The following ZNF430 variants were observed in gnomAD, a reference collection of about 807,000 sequenced individuals.
The protein encoded by ZNF430 is zinc finger protein 430.
A neutral mutation model predicts 56.7 loss-of-function variants in ZNF430; 35 were observed. The ratio of observed to expected loss-of-function variants is 0.62; its 90% CI spans 0.47 to 0.82. ZNF430 has a LOEUF of 0.82. ZNF430 is among the 40% of genes least tolerant of loss of function. ZNF430 has a pLI of 0.00. For synonymous variants in ZNF430, 212 were observed against 224.3 expected, an observed-to-expected ratio of 0.94 and a Z score of 0.49; for missense variants, 574 against 661.0, an observed-to-expected ratio of 0.87 and a Z score of 1.44.
At chr19:21,052,076 G>A (rs911922720) in intron 4 of ZNF430, among the ~76,000 whole-genome samples, 1 of 152,088 alleles carries the variant, frequency 6.6e-6, no homozygotes, top group African/African-American at 2.4e-5. Flanking sequence ...CTTTGAACAG[G>A]AGCATGCTGG....
rs1214001642 is a variant in ZNF430 at position 21,046,408 on chromosome 19, C to G, written c.323-10223C>G. On this transcript the variant is annotated intron_variant, in intron 4 of 4. Coordinates refer to ENST00000261560, the MANE Select transcript of ZNF430 (RefSeq NM_025189.4). Reference sequence around the variant, plus strand: ...GTGCTATCTGGTTATTTTGAAGACTCTTTGATGTAGTTTTTTCATAGTGTC... The same window carrying G: ...GTGCTATCTGGTTATTTTGAAGACTGTTTGATGTAGTTTTTTCATAGTGTC... 3.3e-5 allele frequency among the ~76,000 whole-genome samples: 5 copies of G among 151,320 alleles called. No individual in the cohort carries two copies. In the South Asian group the frequency reaches 6.3e-4, roughly 19 times the overall value.
intron 4 of ZNF430, chr19:21,049,705 A>G (rs1568591361): frequency 6.6e-6 from 1 of 152,154 alleles, no homozygotes; most frequent in African/African-American, 2.4e-5. Flanking sequence ...TTCTTGTTAC[A>G]TTTCGTGTAA....
At position 21,038,336 on chromosome 19, in the gene ZNF430, A is replaced by AG. The variant is rs553202319; in HGVS notation, c.322+4154dup. Among the ~76,000 whole-genome samples, 43 of 152,210 alleles carry AG rather than the reference A, an allele frequency of 2.8e-4. 1 individual carries two copies. Among genetic ancestry groups the AG allele is most frequent in the African/African-American group, 9.1e-4 (38 of 41,558 alleles). ...TGTAGATCATTTGATTATATATAAA[A>AG]GGTTTCATTTCTGGGCTCCATATTT... On this transcript the variant is annotated intron_variant, in intron 4 of 4. Coordinates refer to ENST00000261560, the MANE Select transcript of ZNF430 (RefSeq NM_025189.4).
rs1371208579 is a variant in ZNF430, at chr19:21,059,734, A to G, written c.*1713A>G. Reference sequence around the variant, plus strand: ...ATATTTCCTACTGTTTCTTTATTCCAGTTGTATTCACATGTGAAAGCATGT... The same window carrying G: ...ATATTTCCTACTGTTTCTTTATTCCGGTTGTATTCACATGTGAAAGCATGT... On this transcript the variant is annotated 3_prime_UTR_variant, in exon 5 of 5. Coordinates refer to ENST00000261560, the MANE Select transcript of ZNF430 (RefSeq NM_025189.4). 1 of 152,074 alleles carries G rather than the reference A, an allele frequency of 6.6e-6. No homozygotes were observed. The highest frequency in any genetic ancestry group is 1.9e-4 in the East Asian group (1 of 5,192). The allele number at this position is 152,074 out of a possible 1,614,324, so 9.4% of individuals were successfully genotyped here.
intron 4 of ZNF430, chr19:21,035,248 A>C (rs1967975498): frequency 6.6e-6 from 1 of 152,162 alleles, no homozygotes; most frequent in Non-Finnish European, 1.5e-5. Context: ...TATTAATAAC[A>C]TATCTTTCGT....
At chr19:21,054,131 C>T (rs1162171514) in intron 4 of ZNF430, among the ~76,000 whole-genome samples, 1 of 152,096 alleles carries the variant, frequency 6.6e-6, no homozygotes, top group East Asian at 1.9e-4. Flanking sequence ...GATTTCTATG[C>T]TTTTAACTTT....
At position 21,034,183 on chromosome 19, in the gene ZNF430, A is replaced by G; in HGVS notation, c.321A>G (p.Pro107=). The G allele has an allele frequency of 6.3e-7, 1 of 1,590,818 alleles. No individual in the cohort carries two copies. The highest frequency in any genetic ancestry group is 2.3e-5 in the East Asian group (1 of 44,378). The change falls in exon 4 of 5, where the codon CCA becomes CCG. Residue 107 remains proline, a splice_region_variant and synonymous_variant. Coordinates refer to ENST00000261560, the MANE Select transcript of ZNF430 (RefSeq NM_025189.4). Reference sequence around the variant, plus strand: ...GACATGCGATGGTAGATCAACCCCCAGGTAGGTGAGAGTGAACACAACAGA... The same window carrying G: ...GACATGCGATGGTAGATCAACCCCCGGGTAGGTGAGAGTGAACACAACAGA... The part of the protein sequence containing the change: ...MKRHAMVDQP[P]VTYSHFAQDL...
At chr19:21,034,329 G>A (rs985960225) in intron 4 of ZNF430, 145 bp downstream of exon 4, 9 of 589,236 alleles carry the variant, frequency 1.5e-5, no homozygotes, top group African/African-American at 3.8e-5. Flanking sequence ...TTTTGCCCTC[G>A]CATAGGGTCA....
intron 2 of ZNF430, among the ~76,000 whole-genome samples, chr19:21,025,270 A>G (rs1288292884): frequency 6.6e-6 from 1 of 152,202 alleles, no homozygotes; most frequent in African/African-American, 2.4e-5. Context: ...GACAATATAA[A>G]GTCATTTTCT....
intron 2 of ZNF430, among the ~76,000 whole-genome samples, chr19:21,030,069 A>G (rs1644573046): frequency 6.9e-6 from 1 of 145,570 alleles, no homozygotes; most frequent in Non-Finnish European, 1.5e-5. Flanking sequence ...GAAATAAACT[A>G]TTTATTTTAG....
intron 4 of ZNF430, among the ~76,000 whole-genome samples, chr19:21,048,164 C>CTTTTTTTTTTTTTTTTTT (rs536496163): frequency 1.7e-5 from 1 of 59,780 alleles, no homozygotes; most frequent in Non-Finnish European, 2.9e-5. Context: ...CATAAAACAT[C>CTTTTTTTTTTTTTTTTTT]TTTTTTTTTT....
chr19:21,049,199 T>TAAAAAAAAAAAAAAAAAAAAAAAAA (rs1316391557), intron 4 of ZNF430, among the ~76,000 whole-genome samples: 1 of 118,350 alleles, frequency 8.4e-6, no homozygotes, highest in Non-Finnish European at 1.9e-5. Context: ...AAAAAAAAAG[T>TAAAAAAAAAAAAAAAAAAAAAAAAA]AAAAAAGATA....
At chr19:21,055,263 A>G (rs1255883279) in intron 4 of ZNF430, among the ~76,000 whole-genome samples, 2 of 152,050 alleles carry the variant, frequency 1.3e-5, no homozygotes, top group African/African-American at 4.8e-5. Flanking sequence ...TTGTACATTT[A>G]AAAAAGCTAC....
At chr19:21,040,878 TC>T (rs543666341) in intron 4 of ZNF430, among the ~76,000 whole-genome samples, 300 of 152,280 alleles carry the variant, frequency 2.0e-3, no homozygotes, top group Admixed American at 3.1e-3. Context: ...AGTTATAGAT[TC>T]TTGACCCATT....
chr19:21,042,550 G>T (rs914572443), intron 4 of ZNF430, among the ~76,000 whole-genome samples: 1 of 152,146 alleles, frequency 6.6e-6, no homozygotes, highest in African/African-American at 2.4e-5. Context: ...CACTTTGGGG[G>T]TGCCGAGGCA....
At chr19:21,047,308 T>TACCC (rs1193594934) in intron 4 of ZNF430, among the ~76,000 whole-genome samples, 3 of 152,230 alleles carry the variant, frequency 2.0e-5, no homozygotes, top group Admixed American at 6.5e-5. Flanking sequence ...AGTTCATCAT[T>TACCC]ACCCACCTTC....
At chr19:21,033,184 G>A (rs1016947846) in intron 2 of ZNF430, among the ~76,000 whole-genome samples, 2 of 151,862 alleles carry the variant, frequency 1.3e-5, no homozygotes, top group African/African-American at 4.8e-5. Flanking sequence ...GAGAAACCCC[G>A]TCTCTACTAA....
chr19:21,029,945 C>T (rs571314055), intron 2 of ZNF430, among the ~76,000 whole-genome samples: 58 of 150,348 alleles, frequency 3.9e-4, no homozygotes, highest in Non-Finnish European at 6.4e-4. Flanking sequence ...AGCCTGGTGA[C>T]AGAGCGAGAC....
In ZNF430 at chr19:21,054,698, C is replaced by T. The variant is rs1214993441; in HGVS notation, c.323-1933C>T. 4.6e-5 allele frequency among the ~76,000 whole-genome samples: 4 copies of T among 86,166 alleles called. No individual in the cohort carries two copies. The Admixed American group carries it at 5.3e-4, about 11-fold the overall frequency. The allele number at this position is 86,166 out of a possible 152,430, so 56.5% of individuals were successfully genotyped here. A position where few individuals can be genotyped will look rare whatever the true frequency, so the allele number is the denominator to read the frequency against. On this transcript the variant is annotated intron_variant, in intron 4 of 4. Transcript: ENST00000261560. Reference sequence around the variant, plus strand: ...TTTTTTTTTTTTTTTTTTTTTGAGACGGAGTCTCGCTCTGTCGCCCAGGCT... The same window carrying T: ...TTTTTTTTTTTTTTTTTTTTTGAGATGGAGTCTCGCTCTGTCGCCCAGGCT...
Sources: allele counts gnomAD v4.1 joint callset (sites outside exome capture counted in the v4.1 genomes callset), GRCh38; gene constraint gnomAD v4.1.1; transcripts MANE v1.5; gene names NCBI Gene and HGNC (gene_info 2026-07-23, HGNC 2026-07-21).